The following ZCCHC7 variants were observed in gnomAD, a reference collection of about 807,000 sequenced individuals.
ZCCHC7 encodes the protein zinc finger CCHC domain-containing protein 7.
A neutral mutation model predicts 52.0 loss-of-function variants in ZCCHC7; 35 were observed. That is an observed-to-expected ratio of 0.67 (90% CI 0.51 to 0.89). The LOEUF (loss-of-function observed/expected upper bound fraction) is 0.89. Ranked by LOEUF, ZCCHC7 falls within the 40% of genes least tolerant of loss-of-function variation. The pLI is 0.00. For synonymous variants in ZCCHC7, 217 were observed against 221.5 expected (o/e 0.98, Z 0.18); for missense variants, 574 against 649.1 (o/e 0.88, Z 1.26).
chr9:37,211,227 T>G (rs1466648031), intron 2 of ZCCHC7, among the ~76,000 whole-genome samples: 2 of 152,242 alleles, frequency 1.3e-5, no homozygotes, highest in East Asian at 3.8e-4. Flanking sequence ...AAAGACAGAT[T>G]TTTACAAATG....
At chr9:37,271,377 A>G (rs950517810) in intron 2 of ZCCHC7, among the ~76,000 whole-genome samples, 2 of 152,178 alleles carry the variant, frequency 1.3e-5, no homozygotes, top group Non-Finnish European at 2.9e-5. Context: ...AAGGGAAGAA[A>G]TATGGAAGGG....
At chr9:37,186,935 G>T (rs148735954) in intron 2 of ZCCHC7, 4 of 309,942 alleles carry the variant, frequency 1.3e-5, no homozygotes, top group African/African-American at 8.5e-5. Flanking sequence ...ACTTTAAAAG[G>T]CAAGTGTATT....
chr9:37,187,582 T>G (rs898974047), intron 2 of ZCCHC7, among the ~76,000 whole-genome samples: 1 of 152,210 alleles, frequency 6.6e-6, no homozygotes, highest in Non-Finnish European at 1.5e-5. Context: ...GTAGGTACTT[T>G]TAAGCTGTTT....
intron 2 of ZCCHC7, among the ~76,000 whole-genome samples, chr9:37,247,907 A>T (rs1413407961): frequency 2.0e-5 from 3 of 152,020 alleles, no homozygotes; most frequent in South Asian, 2.1e-4. Context: ...TCTCAAAAAA[A>T]GTAAAAGTAA....
At chr9:37,212,653 C>G (rs2133222198) in intron 2 of ZCCHC7, among the ~76,000 whole-genome samples, 1 of 152,204 alleles carries the variant, frequency 6.6e-6, no homozygotes, top group South Asian at 2.1e-4. Context: ...CTTCAGAGTC[C>G]CCATCGAACA....
chr9:37,303,382 C>T (rs190391314), intron 3 of ZCCHC7, among the ~76,000 whole-genome samples: 2 of 150,796 alleles, frequency 1.3e-5, no homozygotes, highest in East Asian at 2.0e-4. Context: ...GTCGAGATCA[C>T]GCCACTTCAC....
intron 6 of ZCCHC7, among the ~76,000 whole-genome samples, chr9:37,336,951 C>G (rs573728380): frequency 6.6e-6 from 1 of 152,178 alleles, no homozygotes; most frequent in African/African-American, 2.4e-5. Context: ...TGGTAAGATA[C>G]CCTGTCACCG....
At chr9:37,229,633 C>G (rs563901130) in intron 2 of ZCCHC7, among the ~76,000 whole-genome samples, 1 of 152,204 alleles carries the variant, frequency 6.6e-6, no homozygotes, top group South Asian at 2.1e-4. Context: ...ATGAATGGAG[C>G]TTTTAGAACC....
intron 2 of ZCCHC7, among the ~76,000 whole-genome samples, chr9:37,170,273 T>C (rs963823175): frequency 6.6e-6 from 1 of 152,194 alleles, no homozygotes; most frequent in Non-Finnish European, 1.5e-5. Flanking sequence ...GCCATAGACA[T>C]ATTGTAGTTC....
intron 2 of ZCCHC7, among the ~76,000 whole-genome samples, chr9:37,182,388 GTTGCCTAGGCTGGATGTAGTT>G (rs1822408455): frequency 7.5e-6 from 1 of 134,194 alleles, no homozygotes; most frequent in Non-Finnish European, 1.6e-5. Context: ...GTCTTGCTCT[GTTGCCTAGGCTGGATGTAGTT>G]TCGCTCTGTC....
chr9:37,147,760 G>C (rs1394945781), intron 2 of ZCCHC7, among the ~76,000 whole-genome samples: 1 of 151,946 alleles, frequency 6.6e-6, no homozygotes, highest in Admixed American at 6.6e-5. Context: ...AGTTAGAATT[G>C]ATTTTTTAAT....
At chr9:37,205,928 A>G (rs1260867745) in intron 2 of ZCCHC7, among the ~76,000 whole-genome samples, 2 of 149,832 alleles carry the variant, frequency 1.3e-5, no homozygotes, top group Non-Finnish European at 3.0e-5. Flanking sequence ...TAATTTGTAC[A>G]TTTTGAAGCC....
chr9:37,215,625 C>T (rs1261072286), intron 2 of ZCCHC7, among the ~76,000 whole-genome samples: 2 of 152,110 alleles, frequency 1.3e-5, no homozygotes, highest in Non-Finnish European at 2.9e-5. Context: ...TTTATGAGGC[C>T]AGTGGGAGCA....
chr9:37,284,860 T>A (rs987044637), intron 2 of ZCCHC7, among the ~76,000 whole-genome samples: 4 of 152,082 alleles, frequency 2.6e-5, no homozygotes, highest in Non-Finnish European at 5.9e-5. Flanking sequence ...GTTTCTGGAG[T>A]GTAGGTTAGT....
intron 8 of ZCCHC7, among the ~76,000 whole-genome samples, 175 bp from the exon 9 acceptor site, chr9:37,356,660 A>C (rs1192211460): frequency 1.3e-5 from 2 of 152,152 alleles, no homozygotes; most frequent in Non-Finnish European, 2.9e-5. Context: ...AATGTGTTTC[A>C]TTTTTAGCAA....
chr9:37,227,933 T>C (rs1178740811), intron 2 of ZCCHC7, among the ~76,000 whole-genome samples: 8 of 152,002 alleles, frequency 5.3e-5, no homozygotes, highest in South Asian at 2.1e-4. Context: ...GTATCTGGGA[T>C]TACTGGTGCA....
chr9:37,266,141 A>G (rs963361010), intron 2 of ZCCHC7, among the ~76,000 whole-genome samples: 1 of 152,208 alleles, frequency 6.6e-6, no homozygotes, highest in Non-Finnish European at 1.5e-5. Flanking sequence ...TTTAAACTAA[A>G]ATGATTTAAC....
intron 2 of ZCCHC7, among the ~76,000 whole-genome samples, chr9:37,212,021 C>A (rs569648608): frequency 4.1e-5 from 3 of 72,736 alleles, no homozygotes; most frequent in Admixed American, 2.2e-4. Flanking sequence ...AGCGAGACTC[C>A]GTCTCAAAAA....
At chr9:37,240,571 A>G (rs1825831670) in intron 2 of ZCCHC7, among the ~76,000 whole-genome samples, 1 of 151,972 alleles carries the variant, frequency 6.6e-6, no homozygotes, top group Non-Finnish European at 1.5e-5. Flanking sequence ...GTTTGTGGAT[A>G]AGAAATCTTT....
Sources: allele counts gnomAD v4.1 joint callset (sites outside exome capture counted in the v4.1 genomes callset), GRCh38; gene constraint gnomAD v4.1.1; transcripts MANE v1.5; gene names NCBI Gene and HGNC (gene_info 2026-07-23, HGNC 2026-07-21).